Variants in ARF1 observed in about 807,000 individuals in gnomAD.
The protein encoded by ARF1 is ADP-ribosylation factor 1.
A neutral mutation model predicts 18.0 loss-of-function variants in ARF1; 1 was observed. That is an observed-to-expected ratio of 0.06 (90% CI 0.02 to 0.26). The LOEUF (loss-of-function observed/expected upper bound fraction) is 0.26, where lower values mean the gene tolerates loss of function less well. ARF1 is among the 10% of genes least tolerant of loss of function. The probability of loss-of-function intolerance (pLI) is 1.00; values close to 1 mark genes in which losing one functional copy is unlikely to be tolerated. For synonymous variants in ARF1, 112 were observed against 96.3 expected (o/e 1.16, Z -0.95); for missense variants, 73 against 247.2 (o/e 0.30, Z 4.73).
chr1:228,092,882 C>G (rs2032617825), intron 1 of ARF1, among the ~76,000 whole-genome samples: 1 of 152,250 alleles, frequency 6.6e-6, no homozygotes, highest in Non-Finnish European at 1.5e-5. Context: ...TGCCCCTGTT[C>G]AGGCACAGTG....
intron 1 of ARF1, among the ~76,000 whole-genome samples, chr1:228,086,064 G>GA: frequency 6.6e-6 from 1 of 152,328 alleles, no homozygotes; most frequent in East Asian, 1.9e-4. Context: ...GAGAGGGACT[G>GA]AAGATTGAGC....
At chr1:228,095,072 CTGTT>C (rs932247143) in intron 1 of ARF1, among the ~76,000 whole-genome samples, 13 of 152,086 alleles carry the variant, frequency 8.5e-5, no homozygotes, top group Non-Finnish European at 1.3e-4. Flanking sequence ...CTTTTTCATT[CTGTT>C]TGTTTTTGTT....
At chr1:228,092,899 C>T (rs1029408018) in intron 1 of ARF1, among the ~76,000 whole-genome samples, 4 of 152,196 alleles carry the variant, frequency 2.6e-5, no homozygotes, top group African/African-American at 7.2e-5. Flanking sequence ...AGTGAGGTGT[C>T]GGGGAATGTA....
intron 1 of ARF1, among the ~76,000 whole-genome samples, chr1:228,096,128 C>T (rs1175498570): frequency 1.3e-5 from 2 of 152,160 alleles, no homozygotes; most frequent in East Asian, 1.9e-4. Flanking sequence ...CTTGCCGTAG[C>T]GTGCTGGGGT....
intron 1 of ARF1, among the ~76,000 whole-genome samples, chr1:228,083,869 A>C (rs1402790778): frequency 6.6e-6 from 1 of 152,170 alleles, no homozygotes. Context: ...GCAGAAATGC[A>C]CTCGGAATCG....
Position 228,097,237 on chromosome 1 carries a change from G to C in ARF1, c.123G>C (p.Glu41Asp). ...TCCTCTACAAGCTTAAGCTGGGTGA[G>C]ATCGTGACCACCATTCCCACCATAG... is the stretch of plus-strand genomic sequence containing the variant. The part of the protein sequence containing the change: ...TTILYKLKLG[E>D]IVTTIPTIGF... The change falls in exon 2 of 5, where the codon GAG (glutamate) becomes GAC (aspartate). Residue 41 changes from glutamate (E) to aspartate (D), a missense_variant. Around this residue, in one of 3 missense-constraint regions of ARF1, gnomAD observed 12 missense variants for 85.3 expected, o/e 0.14. Coordinates refer to ENST00000272102, the MANE Select transcript of ARF1 (RefSeq NM_001658.4). The surrounding 1 kb of genome is among the most constrained non-coding windows in gnomAD (Gnocchi z 8.1). 6.2e-7 allele frequency: 1 copy of C among 1,612,710 alleles called. No individual in the cohort carries two copies. Among genetic ancestry groups the C allele is most frequent in the Non-Finnish European group, 8.5e-7 (1 of 1,179,108 alleles).
rs1002931958 is a variant in ARF1 at position 228,099,094 on chromosome 1, C to G, written c.*1081C>G. On this transcript the variant is annotated 3_prime_UTR_variant, in exon 5 of 5. Transcript: ENST00000272102. ...TGGTCTATTTGGTGTCGTGGAACCTCTTACTGCTTTCAATACACGATTAGT... is the reference window on the plus strand; with the variant it reads ...TGGTCTATTTGGTGTCGTGGAACCTGTTACTGCTTTCAATACACGATTAGT... The G allele has an allele frequency of 2.6e-5, 4 of 152,802 alleles. No homozygotes were observed. Among genetic ancestry groups the G allele is most frequent in the African/African-American group, 7.2e-5 (3 of 41,590 alleles). The allele number at this position is 152,802 out of a possible 1,614,324, so 9.5% of individuals were successfully genotyped here.
In ARF1 at chr1:228,097,819, A is replaced by G; in HGVS notation, c.385-33A>G. The G allele has an allele frequency of 1.2e-6, 2 of 1,604,016 alleles. No homozygotes were observed. The highest frequency in any genetic ancestry group is 1.7e-6 in the Non-Finnish European group (2 of 1,174,196). The stretch of plus-strand genomic sequence containing the variant: ...TGGGGCCCCTTTCTCTGTCCTGTGG[A>G]CAGCCCTTCCCACCAACCCTTCCTT... On this transcript the variant is annotated intron_variant, in intron 4 of 4. Transcript: ENST00000272102. This position sits in a 1 kb window ranked among gnomAD's most constrained non-coding sequence, Gnocchi z 8.1.
In ARF1 at chr1:228,098,017, C is replaced by T. The variant is rs374058258; in HGVS notation, c.*4C>T. 6.8e-6 allele frequency: 11 copies of T among 1,608,018 alleles called. 1 individual carries two copies. Among genetic ancestry groups the T allele is most frequent in the South Asian group, 2.2e-5 (2 of 90,602 alleles). On this transcript the variant is annotated 3_prime_UTR_variant, in exon 5 of 5. Transcript: ENST00000272102. ...TCAGCTCCGGAACCAGAAGTGAACGCGACCCCCCTCCCTCTCACTCCTCTT... is the reference window on the plus strand; with the variant it reads ...TCAGCTCCGGAACCAGAAGTGAACGTGACCCCCCTCCCTCTCACTCCTCTT...
In ARF1 at chr1:228,089,949, G is replaced by C. The variant is rs2032525115; in HGVS notation, c.-37-7129G>C. ...CTTCCTGGGTTCTTGCCACTCCCCT[G>C]AAAACCAGGGTAGCATTGTCACATC... On this transcript the variant is annotated intron_variant, in intron 1 of 4. Transcript: ENST00000272102. This position sits in a 1 kb window ranked among gnomAD's most constrained non-coding sequence, Gnocchi z 4.1. Among the ~76,000 whole-genome samples, 2 of 152,212 alleles carry C rather than the reference G, an allele frequency of 1.3e-5. No homozygotes were observed. Among genetic ancestry groups the C allele is most frequent in the African/African-American group, 4.8e-5 (2 of 41,450 alleles).
At chr1:228,086,408 C>T (rs886745518) in intron 1 of ARF1, among the ~76,000 whole-genome samples, 3 of 151,480 alleles carry the variant, frequency 2.0e-5, no homozygotes, top group Non-Finnish European at 2.9e-5. Context: ...CCCAGCTACC[C>T]GGGAGGCTGG....
At position 228,089,035 on chromosome 1, in the gene ARF1, G is replaced by A. The variant is rs2032489555; in HGVS notation, c.-38+6270G>A. Among the ~76,000 whole-genome samples the A allele has an allele frequency of 6.6e-6, 1 of 152,196 alleles. No individual in the cohort carries two copies. The highest frequency in any genetic ancestry group is 1.5e-5 in the Non-Finnish European group (1 of 68,028). ...TGAGAACACGCAGGAGGAGGCTGGAGACGGGGTTCTTGCCTGGGGAACAGG... is the reference window on the plus strand; with the variant it reads ...TGAGAACACGCAGGAGGAGGCTGGAAACGGGGTTCTTGCCTGGGGAACAGG... On this transcript the variant is annotated intron_variant, in intron 1 of 4. Coordinates refer to ENST00000272102, the MANE Select transcript of ARF1 (RefSeq NM_001658.4). This position sits in a 1 kb window ranked among gnomAD's most constrained non-coding sequence, Gnocchi z 4.1.
chr1:228,097,840 T>G lies in ARF1; in HGVS notation c.385-12T>G. 1 of 1,611,354 alleles carries G rather than the reference T, an allele frequency of 6.2e-7. No homozygotes were observed. The highest frequency in any genetic ancestry group is 8.5e-7 in the Non-Finnish European group (1 of 1,178,310). ...GTGGACAGCCCTTCCCACCAACCCTTCCTTCCCCCAGGACCTCCCCAACGC... is the reference window on the plus strand; with the variant it reads ...GTGGACAGCCCTTCCCACCAACCCTGCCTTCCCCCAGGACCTCCCCAACGC... On this transcript the variant is annotated splice_polypyrimidine_tract_variant and intron_variant, in intron 4 of 4. Coordinates refer to ENST00000272102, the MANE Select transcript of ARF1 (RefSeq NM_001658.4). This position sits in a 1 kb window ranked among gnomAD's most constrained non-coding sequence, Gnocchi z 8.1.
intron 1 of ARF1, among the ~76,000 whole-genome samples, chr1:228,087,922 A>G (rs2032458407): frequency 6.6e-6 from 1 of 152,188 alleles, no homozygotes; most frequent in Non-Finnish European, 1.5e-5. Context: ...TAGGGAAAGC[A>G]CATCTGCAGA....
chr1:228,089,855 A>T lies in ARF1; in HGVS notation c.-38+7090A>T, dbSNP rs987507195. ...CCAGAACAGTGCCTGGCAGTAGCTC[A>T]GTGCCCAGCATGTCTGTGGTGAGTG... On this transcript the variant is annotated intron_variant, in intron 1 of 4. Transcript: ENST00000272102. The surrounding 1 kb of genome is among the most constrained non-coding windows in gnomAD (Gnocchi z 4.1). Among the ~76,000 whole-genome samples the T allele has an allele frequency of 6.6e-6, 1 of 152,186 alleles. No homozygotes were observed. The highest frequency in any genetic ancestry group is 2.4e-5 in the African/African-American group (1 of 41,454).
At chr1:228,083,317 G>A (rs1223641427) in intron 1 of ARF1, 1 of 152,330 alleles carries the variant, frequency 6.6e-6, no homozygotes, top group East Asian at 1.9e-4. Context: ...CATGTAGGTG[G>A]TGGGGGCTTG....
chr1:228,097,172 A>G lies in ARF1; in HGVS notation c.58A>G (p.Ile20Val). 1 of 1,613,870 alleles carries G rather than the reference A, an allele frequency of 6.2e-7. No individual in the cohort carries two copies. Among genetic ancestry groups the G allele is most frequent in the African/African-American group, 1.3e-5 (1 of 75,062 alleles). The part of the protein sequence containing the change: ...KGLFGKKEMR[I>V]LMVGLDAAGK... The stretch of plus-strand genomic sequence containing the variant: ...CCTTTTTGGCAAAAAAGAAATGCGC[A>G]TCCTCATGGTGGGCCTGGATGCTGC... The change falls in exon 2 of 5, where the codon ATC becomes GTC. Residue 20 changes from isoleucine (I) to valine (V), a missense_variant. Coordinates refer to ENST00000272102, the MANE Select transcript of ARF1 (RefSeq NM_001658.4). This position sits in a 1 kb window ranked among gnomAD's most constrained non-coding sequence, Gnocchi z 8.1.
chr1:228,092,931 G>T lies in ARF1; in HGVS notation c.-37-4147G>T, dbSNP rs73092953. Reference sequence around the variant, plus strand: ...TGTAGCTGCCAGAGTTGACTGTCCCGTTCTTTGGTGTAATGCCTGAAGGCC... The same window carrying T: ...TGTAGCTGCCAGAGTTGACTGTCCCTTTCTTTGGTGTAATGCCTGAAGGCC... On this transcript the variant is annotated intron_variant, in intron 1 of 4. Transcript: ENST00000272102. Among the ~76,000 whole-genome samples, 3 of 152,190 alleles carry T rather than the reference G, an allele frequency of 2.0e-5. No homozygotes were observed. The East Asian group carries it at 5.8e-4, about 29-fold the overall frequency.
chr1:228,087,375 A>G (rs2032439005), intron 1 of ARF1, among the ~76,000 whole-genome samples: 1 of 152,220 alleles, frequency 6.6e-6, no homozygotes, highest in Non-Finnish European at 1.5e-5. Flanking sequence ...CCTTCTGTAG[A>G]TGGGAATGCA....
Sources: allele counts gnomAD v4.1 joint callset (sites outside exome capture counted in the v4.1 genomes callset), GRCh38; gene constraint gnomAD v4.1.1; regional missense constraint gnomAD v4.1.1; non-coding constraint Gnocchi (gnomAD v3.1); transcripts MANE v1.5; gene names NCBI Gene and HGNC (gene_info 2026-07-23, HGNC 2026-07-21).